The following KRT35 variants were observed in gnomAD, a reference collection of about 807,000 sequenced individuals.
KRT35 encodes the protein keratin 35, also known as keratin, type I cuticular Ha5.
In KRT35, 33 loss-of-function variants were observed where a neutral mutation model predicts 42.2. That is an observed-to-expected ratio of 0.78 (90% confidence interval 0.59 to 1.05). The LOEUF is 1.05. Among genes scored for constraint, KRT35 ranks in the 50% least tolerant of loss-of-function variants. The probability of loss-of-function intolerance (pLI) is 0.00; values close to 1 mark genes in which losing one functional copy is unlikely to be tolerated. For synonymous variants in KRT35, 218 were observed against 238.2 expected (o/e 0.92, Z 0.78); for missense variants, 585 against 589.2 (o/e 0.99, Z 0.07).
At chr17:41,477,425 T>C (rs777759169) in intron 6 of KRT35, 93 bp downstream of exon 6, 108 of 1,532,296 alleles carry the variant, frequency 7.0e-5, no homozygotes, top group Non-Finnish European at 9.5e-5. Context: ...AACTCCAGAC[T>C]CCGAATGCCA....
intron 1 of KRT35, among the ~76,000 whole-genome samples, chr17:41,480,188 G>A (rs538666882): frequency 1.3e-5 from 2 of 152,282 alleles, no homozygotes; most frequent in South Asian, 2.1e-4. Context: ...GCGAGAAGTG[G>A]ATATGGGCCC....
At position 41,480,848 on chromosome 17, in the gene KRT35, C is replaced by G. The variant is rs755276315; in HGVS notation, c.250G>C (p.Gly84Arg). The G allele has an allele frequency of 2.7e-5, 43 of 1,614,030 alleles. No homozygotes were observed. Among genetic ancestry groups the G allele is most frequent in the Non-Finnish European group, 3.2e-5 (38 of 1,180,010 alleles). ...ATGCCCTCCCCAAACCAGCCCCCACCCCCACTGTAGCTGGTAGCGAAGCCT... is the reference window on the plus strand; with the variant it reads ...ATGCCCTCCCCAAACCAGCCCCCACGCCCACTGTAGCTGGTAGCGAAGCCT... ...AGGFATSYSG[G>R]GGWFGEGILT... is the part of the protein sequence containing the mutation. Residue 84 changes from glycine (G) to arginine (R), a missense_variant, in exon 1 of 7, where the codon GGT (glycine) becomes CGT (arginine). Gly to Arg is a moderately radical substitution (Grantham distance 125). Transcript: ENST00000246639.
At chr17:41,480,583 G>T in intron 1 of KRT35, 44 bp downstream of exon 1, 2 of 1,462,686 alleles carry the variant, frequency 1.4e-6, no homozygotes, top group South Asian at 1.2e-5. Context: ...GAATGCTGGT[G>T]ACACAAAGTT....
intron 5 of KRT35, 67 bp from the exon 6 acceptor site, chr17:41,477,805 C>A: frequency 6.5e-7 from 1 of 1,534,602 alleles, no homozygotes; most frequent in Non-Finnish European, 8.8e-7. Context: ...AGGAAGGAAT[C>A]TTCCTTGGAG....
At chr17:41,479,929 G>T (rs761593764) in intron 1 of KRT35, 148 bp from the exon 2 acceptor site, 2 of 648,070 alleles carry the variant, frequency 3.1e-6, no homozygotes, top group Non-Finnish European at 5.5e-6. Context: ...TTATGGGCAG[G>T]CTCTAGGGAT....
intron 1 of KRT35, among the ~76,000 whole-genome samples, chr17:41,480,260 G>C (rs2019234286): frequency 6.6e-6 from 1 of 152,174 alleles, no homozygotes; most frequent in African/African-American, 2.4e-5. Context: ...TGGGAAGCCT[G>C]AACTGCACTG....
rs757903068 is a variant in KRT35 at position 41,479,480 on chromosome 17, C to T, written c.578G>A (p.Arg193Gln). ...RTKYETEVSL[R>Q]QLVESDINGL... ...GTTGATGTCTGACTCCACCAGCTGC[C>T]GCAGGGACACCTCCGTCTCATACCT... Residue 193 changes from arginine (R) to glutamine (Q), a missense_variant, in exon 3 of 7, where the codon CGG becomes CAG. Physicochemically the swap from Arg to Gln is conservative, Grantham distance 43. Coordinates refer to ENST00000246639, the MANE Select transcript of KRT35 (RefSeq NM_002280.6). 28 of 1,614,052 alleles carry T rather than the reference C, an allele frequency of 1.7e-5. No homozygotes were observed. Among genetic ancestry groups the T allele is most frequent in the East Asian group, 1.3e-4 (6 of 44,880 alleles).
At chr17:41,477,279 C>A in intron 6 of KRT35, 76 bp from the exon 7 acceptor site, 1 of 1,538,672 alleles carries the variant, frequency 6.5e-7, no homozygotes, top group Non-Finnish European at 8.9e-7. Context: ...CTAGACTATG[C>A]AAACTGGGAA....
chr17:41,480,851 C>G lies in KRT35; in HGVS notation c.247G>C (p.Gly83Arg). Residue 83 changes from glycine (G) to arginine (R), a missense_variant, in exon 1 of 7, where the codon GGG (glycine) becomes CGG (arginine). Coordinates refer to ENST00000246639, the MANE Select transcript of KRT35 (RefSeq NM_002280.6). ...PAGGFATSYS[G>R]GGGWFGEGIL... ...CCCTCCCCAAACCAGCCCCCACCCCCACTGTAGCTGGTAGCGAAGCCTCCA... is the reference window on the plus strand; with the variant it reads ...CCCTCCCCAAACCAGCCCCCACCCCGACTGTAGCTGGTAGCGAAGCCTCCA... 2 of 1,614,180 alleles carry G rather than the reference C, an allele frequency of 1.2e-6. No homozygotes were observed. The highest frequency in any genetic ancestry group is 1.7e-6 in the Non-Finnish European group (2 of 1,180,000).
At position 41,476,912 on chromosome 17, in the gene KRT35, T is replaced by A; in HGVS notation, c.*144A>T. ...ACAGGCTCTGAGAAACTTTAGGGCATGTATTTGCAGAAAGCCTTTTCAGCC... is the reference window on the plus strand; with the variant it reads ...ACAGGCTCTGAGAAACTTTAGGGCAAGTATTTGCAGAAAGCCTTTTCAGCC... On this transcript the variant is annotated 3_prime_UTR_variant, in exon 7 of 7. Coordinates refer to ENST00000246639, the MANE Select transcript of KRT35 (RefSeq NM_002280.6). 1 of 769,768 alleles carries A rather than the reference T, an allele frequency of 1.3e-6. No homozygotes were observed. Among genetic ancestry groups the A allele is most frequent in the African/African-American group, 1.8e-5 (1 of 55,392 alleles). The allele number at this position is 769,768 out of a possible 1,614,324, so 47.7% of individuals were successfully genotyped here.
Position 41,478,913 on chromosome 17 carries a change from A to G in KRT35, c.794T>C (p.Val265Ala). ...ATACTGGCACCTCATCTCCTCCAGA[A>G]CTCGGTTCAGGTCAACAGGTGGGGC... ...DAAPPVDLNR[V>A]LEEMRCQYET... The change falls in exon 4 of 7, where the codon GTT becomes GCT. Residue 265 changes from valine (V) to alanine (A), a missense_variant. Physicochemically the swap from Val to Ala is moderately conservative, Grantham distance 64 (BLOSUM62 0). Coordinates refer to ENST00000246639, the MANE Select transcript of KRT35 (RefSeq NM_002280.6). 1 of 1,613,962 alleles carries G rather than the reference A, an allele frequency of 6.2e-7. No individual in the cohort carries two copies. The highest frequency in any genetic ancestry group is 8.5e-7 in the Non-Finnish European group (1 of 1,179,980).
Position 41,476,913 on chromosome 17 carries a change from G to A in KRT35, c.*143C>T. On this transcript the variant is annotated 3_prime_UTR_variant, in exon 7 of 7. Transcript: ENST00000246639. ...CAGGCTCTGAGAAACTTTAGGGCAT[G>A]TATTTGCAGAAAGCCTTTTCAGCCA... 1 of 788,008 alleles carries A rather than the reference G, an allele frequency of 1.3e-6. No homozygotes were observed. Among genetic ancestry groups the A allele is most frequent in the Non-Finnish European group, 2.0e-6 (1 of 509,624 alleles). The allele number at this position is 788,008 out of a possible 1,614,324, so 48.8% of individuals were successfully genotyped here.
At chr17:41,477,313 CT>C in intron 6 of KRT35, 110 bp from the exon 7 acceptor site, 1 of 1,388,336 alleles carries the variant, frequency 7.2e-7, no homozygotes. Context: ...CACCTTGATC[CT>C]GCCCCCTTGT....
chr17:41,481,052 T>C lies in KRT35; in HGVS notation c.46A>G (p.Lys16Glu), dbSNP rs2019247690. 4 of 1,613,580 alleles carry C rather than the reference T, an allele frequency of 2.5e-6. No homozygotes were observed. The highest frequency in any genetic ancestry group is 3.4e-6 in the Non-Finnish European group (4 of 1,179,920). Residue 16 changes from lysine (K) to glutamate (E), a missense_variant, in exon 1 of 7, where the codon AAG becomes GAG. By Grantham distance (56) the Lys-to-Glu change is moderately conservative. Coordinates refer to ENST00000246639, the MANE Select transcript of KRT35 (RefSeq NM_002280.6). The part of the protein sequence containing the change: ...LKAGFSSGSL[K>E]SPGGASGGST... ...CCCCCACTGGCCCCTCCTGGGCTCT[T>C]GAGAGACCCAGAAGAGAAGCCGGCC... is the stretch of plus-strand genomic sequence containing the variant.
At position 41,478,432 on chromosome 17, in the gene KRT35, G is replaced by A. The variant is rs1248393210; in HGVS notation, c.928C>T (p.Gln310Ter). The change falls in exon 5 of 7, where the codon CAG (glutamine) becomes TAG (stop). Residue 310 changes from glutamine (Q) to a stop codon, truncating the protein, a stop_gained. Transcript: ENST00000246639. LOFTEE classifies it high-confidence loss of function. ...VSSSEQLQSC[Q>*]AEIIELRRTV... ...CGTCTCAGCTCGATGATCTCTGCCTGGCAGGACTGCAACTGCTCTGAGCTG... is the reference window on the plus strand; with the variant it reads ...CGTCTCAGCTCGATGATCTCTGCCTAGCAGGACTGCAACTGCTCTGAGCTG... The A allele has an allele frequency of 1.2e-6, 2 of 1,614,100 alleles. No individual in the cohort carries two copies. The highest frequency in any genetic ancestry group is 3.3e-5 in the Admixed American group (2 of 60,028).
intron 4 of KRT35, 116 bp from the exon 5 acceptor site, chr17:41,478,602 C>T: frequency 7.4e-7 from 1 of 1,346,036 alleles, no homozygotes; most frequent in Non-Finnish European, 1.0e-6. Context: ...CCCAGTCCCA[C>T]TCATTTATTT....
rs1480037548 is a variant in KRT35 at position 41,480,816 on chromosome 17, A to G, written c.282T>C (p.Thr94=). ...GGGWFGEGIL[T]GNEKETMQSL... ...ATTGCATGGTCTCCTTCTCATTGCC[A>G]GTGAGGATGCCCTCCCCAAACCAGC... Residue 94 remains threonine, a synonymous_variant, in exon 1 of 7, where the codon ACT becomes ACC. Transcript: ENST00000246639. The G allele has an allele frequency of 1.2e-6, 2 of 1,614,102 alleles. No homozygotes were observed.
rs769911225 is a variant in KRT35, at chr17:41,478,422, A to T, written c.938T>A (p.Ile313Asn). 2.5e-6 allele frequency: 4 copies of T among 1,614,052 alleles called. No individual in the cohort carries two copies. The South Asian group carries it at 4.4e-5, about 18-fold the overall frequency. The change falls in exon 5 of 7, where the codon ATC becomes AAC. Residue 313 changes from isoleucine (I) to asparagine (N), a missense_variant. Physicochemically the swap from Ile to Asn is moderately radical, Grantham distance 149. Coordinates refer to ENST00000246639, the MANE Select transcript of KRT35 (RefSeq NM_002280.6). Reference sequence around the variant, plus strand: ...GTTGACCGTGCGTCTCAGCTCGATGATCTCTGCCTGGCAGGACTGCAACTG... The same window carrying T: ...GTTGACCGTGCGTCTCAGCTCGATGTTCTCTGCCTGGCAGGACTGCAACTG... ...SEQLQSCQAEIIELRRTVNAL... is the reference protein window; with the variant it reads ...SEQLQSCQAENIELRRTVNAL...
chr17:41,477,109 T>G lies in KRT35; in HGVS notation c.1315A>C (p.Thr439Pro). The G allele has an allele frequency of 1.2e-6, 2 of 1,609,102 alleles. No homozygotes were observed. The highest frequency in any genetic ancestry group is 1.7e-6 in the Non-Finnish European group (2 of 1,178,200). Residue 439 changes from threonine to proline, a missense_variant, in exon 7 of 7, where the codon ACA (threonine) becomes CCA (proline). Transcript: ENST00000246639. ...AASCGPSAAR[T>P]NCSPRPICVP... ...CAAATGGGGCGGGGGCTGCAGTTTGTGCGGGCTGCACTAGGACCGCAGGAG... is the reference window on the plus strand; with the variant it reads ...CAAATGGGGCGGGGGCTGCAGTTTGGGCGGGCTGCACTAGGACCGCAGGAG...
Sources: gnomAD v4.1 joint callset for allele counts (sites outside exome capture counted in the v4.1 genomes callset) on GRCh38, gnomAD v4.1.1 for gene constraint, MANE v1.5 for transcripts, NCBI Gene and HGNC (gene_info 2026-07-23, HGNC 2026-07-21) for gene names.